Variants in GLRA3 observed in about 807,000 individuals in gnomAD.
GLRA3 encodes the protein glycine receptor alpha 3, also known as glycine receptor subunit alpha-3.
In GLRA3, 44 loss-of-function variants were observed where a neutral mutation model predicts 60.4. That is an observed-to-expected ratio of 0.73 (90% CI 0.57 to 0.94). The LOEUF is 0.94. Ranked by LOEUF, GLRA3 falls within the 40% of genes least tolerant of loss-of-function variation. The pLI is 0.00. For missense variants in GLRA3, 508 were observed against 564.6 expected (o/e 0.90, Z 1.02); for synonymous variants, 223 against 192.9 (o/e 1.16, Z -1.29).
rs576352943 is a variant in GLRA3 at position 174,798,784 on chromosome 4, T to C, written c.72-9841A>G. ...CTAAAAATACAAAAAATTAGCTGGG[T>C]GTGGTGGTGAGCGCCTGTAGTCCCA... is the stretch of plus-strand genomic sequence containing the variant. On this transcript the variant is annotated intron_variant, in intron 1 of 9. Transcript: ENST00000274093. 1.9e-4 allele frequency among the ~76,000 whole-genome samples: 29 copies of C among 151,854 alleles called. No homozygotes were observed. In the South Asian group the frequency reaches 3.8e-3, roughly 20 times the overall value.
At chr4:174,683,556 G>A (rs1734439568) in intron 5 of GLRA3, among the ~76,000 whole-genome samples, 1 of 151,998 alleles carries the variant, frequency 6.6e-6, no homozygotes, top group Non-Finnish European at 1.5e-5. Context: ...TTACCATATT[G>A]GCCAGGCTGG....
At chr4:174,654,259 T>G (rs1469430213) in intron 9 of GLRA3, among the ~76,000 whole-genome samples, 1 of 152,180 alleles carries the variant, frequency 6.6e-6, no homozygotes, top group Non-Finnish European at 1.5e-5. Context: ...ATCCTTAGAC[T>G]ATAGACTTGA....
At chr4:174,732,048 G>A (rs369662949) in intron 3 of GLRA3, among the ~76,000 whole-genome samples, 3 of 152,104 alleles carry the variant, frequency 2.0e-5, no homozygotes, top group Admixed American at 6.6e-5. Flanking sequence ...ACATCGCCGC[G>A]AAAAGTATAA....
At chr4:174,799,989 A>T (rs568209955) in intron 1 of GLRA3, among the ~76,000 whole-genome samples, 56 of 152,256 alleles carry the variant, frequency 3.7e-4, no homozygotes, top group African/African-American at 1.3e-3. Context: ...GATAAAAAAT[A>T]AAAAAACTGA....
chr4:174,693,372 A>T (rs1455856935), intron 5 of GLRA3, among the ~76,000 whole-genome samples: 1 of 152,208 alleles, frequency 6.6e-6, no homozygotes, highest in Admixed American at 6.5e-5. Context: ...AATCTTTTGC[A>T]TATCACTAGC....
intron 2 of GLRA3, among the ~76,000 whole-genome samples, chr4:174,767,478 C>T (rs1012820113): frequency 6.6e-6 from 1 of 152,098 alleles, no homozygotes; most frequent in Non-Finnish European, 1.5e-5. Context: ...TTCCCACCTC[C>T]AATCCAAAGT....
At chr4:174,687,818 T>A (rs1388734411) in intron 5 of GLRA3, among the ~76,000 whole-genome samples, 2 of 152,122 alleles carry the variant, frequency 1.3e-5, no homozygotes, top group Non-Finnish European at 2.9e-5. Flanking sequence ...CAATCTGATA[T>A]TTTCAAAATG....
chr4:174,797,556 C>A (rs916043734), intron 1 of GLRA3, among the ~76,000 whole-genome samples: 1 of 152,022 alleles, frequency 6.6e-6, no homozygotes, highest in Non-Finnish European at 1.5e-5. Context: ...AGTTCAGAAA[C>A]TTTAATTTCA....
chr4:174,675,880 T>G (rs1213241522), intron 7 of GLRA3, among the ~76,000 whole-genome samples: 1 of 152,154 alleles, frequency 6.6e-6, no homozygotes, highest in Non-Finnish European at 1.5e-5. Flanking sequence ...TCTAATAAAT[T>G]GAATCATAGA....
chr4:174,679,075 C>T (rs1051416631), intron 6 of GLRA3, among the ~76,000 whole-genome samples: 1 of 151,942 alleles, frequency 6.6e-6, no homozygotes, highest in Non-Finnish European at 1.5e-5. Flanking sequence ...ACAATAAGTG[C>T]AATCCCAGCA....
chr4:174,756,911 G>A (rs558611564), intron 3 of GLRA3, among the ~76,000 whole-genome samples: 5 of 152,188 alleles, frequency 3.3e-5, no homozygotes, highest in Non-Finnish European at 5.9e-5. Context: ...CTCCCAAAGT[G>A]CCGGGATTAC....
In GLRA3 at chr4:174,823,441, C is replaced by T. The variant is rs147072431; in HGVS notation, c.71+5300G>A. On this transcript the variant is annotated intron_variant, in intron 1 of 9. Coordinates refer to ENST00000274093, the MANE Select transcript of GLRA3 (RefSeq NM_006529.4). ...TCAGGAGGCTGAGGCAGAAGAATTG[C>T]TTGAACCTGGGAGGCAGAAGTTGCA... Among the ~76,000 whole-genome samples the T allele has an allele frequency of 9.4e-3, 1,424 of 152,148 alleles. 16 individuals are homozygous for T. Among genetic ancestry groups the T allele is most frequent in the African/African-American group, 0.032 (1,344 of 41,496 alleles).
chr4:174,801,861 A>G (rs1459235334), intron 1 of GLRA3, among the ~76,000 whole-genome samples: 1 of 151,996 alleles, frequency 6.6e-6, no homozygotes, highest in Non-Finnish European at 1.5e-5. Context: ...CCTTGGTAGC[A>G]CTTGTTGCAA....
At chr4:174,684,854 C>A (rs1182071528) in intron 5 of GLRA3, among the ~76,000 whole-genome samples, 5 of 152,026 alleles carry the variant, frequency 3.3e-5, no homozygotes, top group Non-Finnish European at 7.4e-5. Flanking sequence ...CTAAAAAACA[C>A]AAAAATTAGC....
intron 3 of GLRA3, among the ~76,000 whole-genome samples, chr4:174,731,405 C>T (rs1736539919): frequency 6.6e-6 from 1 of 152,102 alleles, no homozygotes; most frequent in Non-Finnish European, 1.5e-5. Flanking sequence ...CTTGAAATAA[C>T]TTGCCTGTAA....
chr4:174,695,097 A>C (rs1734998898), intron 5 of GLRA3, among the ~76,000 whole-genome samples: 1 of 151,778 alleles, frequency 6.6e-6, no homozygotes, highest in Non-Finnish European at 1.5e-5. Context: ...CCTACCAACC[A>C]AAAAAAATGC....
chr4:174,792,565 G>A (rs539394962), intron 1 of GLRA3, among the ~76,000 whole-genome samples: 8 of 152,052 alleles, frequency 5.3e-5, no homozygotes, highest in Non-Finnish European at 8.8e-5. Context: ...CAGATAACCA[G>A]GAATATATGC....
intron 9 of GLRA3, among the ~76,000 whole-genome samples, chr4:174,651,445 T>C (rs778870801): frequency 3.3e-5 from 5 of 152,158 alleles, no homozygotes; most frequent in Non-Finnish European, 5.9e-5. Flanking sequence ...GACAAAGCAC[T>C]CAAATTGCTG....
At chr4:174,800,523 C>CTAATAAA (rs1739765741) in intron 1 of GLRA3, among the ~76,000 whole-genome samples, 2 of 151,978 alleles carry the variant, frequency 1.3e-5, no homozygotes, top group Non-Finnish European at 2.9e-5. Flanking sequence ...CATTTATTTT[C>CTAATAAA]CAATAAACAA....
Sources: allele counts gnomAD v4.1 joint callset (sites outside exome capture counted in the v4.1 genomes callset), GRCh38; gene constraint gnomAD v4.1.1; transcripts MANE v1.5; gene names NCBI Gene and HGNC (gene_info 2026-07-23, HGNC 2026-07-21).